The following SGK1 variants were observed in gnomAD, a reference collection of about 807,000 sequenced individuals.
SGK1 encodes serum/glucocorticoid regulated kinase 1.
In SGK1, 26 loss-of-function variants were observed where a neutral mutation model predicts 64.2. The ratio of observed to expected loss-of-function variants is 0.40; its 90% CI spans 0.30 to 0.56. The LOEUF (loss-of-function observed/expected upper bound fraction) is 0.56, where lower values mean the gene tolerates loss of function less well. Among genes scored for constraint, SGK1 ranks in the 20% least tolerant of loss-of-function variants. The pLI is 0.38. For missense variants in SGK1, 519 were observed against 645.6 expected (o/e 0.80, Z 2.12); for synonymous variants, 265 against 239.7 (o/e 1.11, Z -0.98).
chr6:134,175,667 G>A (rs945824596), intron 3 of SGK1: 1 of 1,493,738 alleles, frequency 6.7e-7, no homozygotes. Context: ...CCCATGGGCA[G>A]CGGGCGGCGG....
intron 2 of SGK1, among the ~76,000 whole-genome samples, chr6:134,254,712 CAT>C (rs1354465906): frequency 6.6e-6 from 1 of 152,142 alleles, no homozygotes; most frequent in African/African-American, 2.4e-5. Flanking sequence ...TTTACCCACA[CAT>C]ATATACTCAC....
chr6:134,251,635 T>C (rs1028769092), intron 2 of SGK1, among the ~76,000 whole-genome samples: 1 of 152,164 alleles, frequency 6.6e-6, no homozygotes, highest in Non-Finnish European at 1.5e-5. Flanking sequence ...TGGGCTATGA[T>C]TCCCTGGAGA....
At chr6:134,240,066 C>A (rs562398300) in intron 2 of SGK1, among the ~76,000 whole-genome samples, 3 of 152,130 alleles carry the variant, frequency 2.0e-5, no homozygotes, top group Non-Finnish European at 4.4e-5. Flanking sequence ...CCATGATGTG[C>A]GGATCACTTG....
At chr6:134,172,008 T>TA in intron 10 of SGK1, 185 bp downstream of exon 10, 2 of 760,270 alleles carry the variant, frequency 2.6e-6, no homozygotes, top group Non-Finnish European at 4.3e-6. Flanking sequence ...TACTTTTCAG[T>TA]AAAGGAACAG....
chr6:134,249,960 T>C (rs904117656), intron 2 of SGK1, among the ~76,000 whole-genome samples: 1 of 152,222 alleles, frequency 6.6e-6, no homozygotes, highest in Non-Finnish European at 1.5e-5. Context: ...TACAAAGACC[T>C]ATAACCTCTG....
Position 134,300,138 on chromosome 6 carries a change from T to A in SGK1, c.69+17254A>T, listed in dbSNP as rs192490571. On this transcript the variant is annotated intron_variant, in intron 1 of 13. Coordinates refer to ENST00000367858, the MANE Select transcript of SGK1 (RefSeq NM_001143676.3). ...AAACCTTATTACTATGAGAAAGATGTTAATTTGTCTAAAGTGCTGTAATTT... is the reference window on the plus strand; with the variant it reads ...AAACCTTATTACTATGAGAAAGATGATAATTTGTCTAAAGTGCTGTAATTT... Among the ~76,000 whole-genome samples the A allele has an allele frequency of 2.7e-4, 41 of 152,232 alleles. No individual in the cohort carries two copies. In the East Asian group the frequency reaches 7.7e-3, roughly 29 times the overall value.
chr6:134,191,834 G>GTTTTTTTTTTTTTTTTTTT (rs1491153978), intron 3 of SGK1, among the ~76,000 whole-genome samples: 1 of 17,314 alleles, frequency 5.8e-5, no homozygotes, highest in Non-Finnish European at 1.6e-4. Context: ...ACGCCCGGCT[G>GTTTTTTTTTTTTTTTTTTT]ATTTTTTTTT....
At chr6:134,297,754 G>A (rs1230922734) in intron 1 of SGK1, 3 of 487,854 alleles carry the variant, frequency 6.1e-6, no homozygotes, top group East Asian at 4.7e-5. Flanking sequence ...GCCTGCCTCG[G>A]CCTCCCAAAG....
rs1775321922 is a variant in SGK1, at chr6:134,180,928, G to A, written c.362-6342C>T. Reference sequence around the variant, plus strand: ...ATTTTTGGCATGCCTTTACTGTTAGGCATTTGCATTTTAAAAGGCCACTTG... The same window carrying A: ...ATTTTTGGCATGCCTTTACTGTTAGACATTTGCATTTTAAAAGGCCACTTG... On this transcript the variant is annotated intron_variant, in intron 3 of 13. Coordinates refer to ENST00000367858, the MANE Select transcript of SGK1 (RefSeq NM_001143676.3). Among the ~76,000 whole-genome samples the A allele has an allele frequency of 2.0e-5, 3 of 151,226 alleles. No homozygotes were observed. The South Asian group carries it at 6.3e-4, about 32-fold the overall frequency.
At chr6:134,219,532 G>C (rs1003525113) in intron 2 of SGK1, among the ~76,000 whole-genome samples, 1 of 151,884 alleles carries the variant, frequency 6.6e-6, no homozygotes, top group African/African-American at 2.4e-5. Context: ...AGGCTGAGGC[G>C]AGCAGATCAC....
chr6:134,308,888 CT>C (rs1777572348), intron 1 of SGK1, among the ~76,000 whole-genome samples: 2 of 152,116 alleles, frequency 1.3e-5, no homozygotes, highest in South Asian at 4.1e-4. Flanking sequence ...ATGCTTTTCT[CT>C]TTTGCCTTGC....
chr6:134,238,603 G>A (rs540746926), intron 2 of SGK1, among the ~76,000 whole-genome samples: 45 of 151,180 alleles, frequency 3.0e-4, no homozygotes, highest in Middle Eastern at 3.4e-3. Flanking sequence ...TAATTCTCTC[G>A]AAACTTTCAT....
intron 2 of SGK1, among the ~76,000 whole-genome samples, chr6:134,252,067 T>C (rs1009491686): frequency 1.3e-5 from 2 of 152,206 alleles, no homozygotes; most frequent in African/African-American, 2.4e-5. Flanking sequence ...AAATTATGTT[T>C]CTAAATACAG....
chr6:134,172,444 A>T (rs1775060425), intron 9 of SGK1, 128 bp from the exon 10 acceptor site: 1 of 964,506 alleles, frequency 1.0e-6, no homozygotes, highest in Non-Finnish European at 1.6e-6. Context: ...TGAAGAAAAA[A>T]GGGAGCCCTT....
chr6:134,225,215 G>A (rs961126247), intron 2 of SGK1, among the ~76,000 whole-genome samples: 3 of 151,428 alleles, frequency 2.0e-5, no homozygotes, highest in Non-Finnish European at 4.4e-5. Flanking sequence ...GCCTGGTGTG[G>A]TGGTGCATGC....
rs1776028860 is a variant in SGK1, at chr6:134,218,684, G to A, written c.286-11253C>T. ...CAACCTGAAATGATCCACCCACCTT[G>A]GCCTCCCAAAGTGTGAGCCACTCTT... On this transcript the variant is annotated intron_variant, in intron 2 of 13. Coordinates refer to ENST00000367858, the MANE Select transcript of SGK1 (RefSeq NM_001143676.3). 2 of 152,006 alleles carry A rather than the reference G, an allele frequency of 1.3e-5. 1 individual carries two copies. The highest frequency in any genetic ancestry group is 4.8e-5 in the African/African-American group (2 of 41,384). The allele number at this position is 152,006 out of a possible 1,614,324, so 9.4% of individuals were successfully genotyped here.
At chr6:134,224,362 A>C (rs769201056) in intron 2 of SGK1, among the ~76,000 whole-genome samples, 1 of 152,228 alleles carries the variant, frequency 6.6e-6, no homozygotes, top group African/African-American at 2.4e-5. Context: ...CATGTGGAGA[A>C]GTGGATAGAT....
At chr6:134,218,437 CTTTTTTT>C (rs71003680) in intron 2 of SGK1, among the ~76,000 whole-genome samples, 4 of 129,174 alleles carry the variant, frequency 3.1e-5, no homozygotes, top group African/African-American at 8.6e-5. Flanking sequence ...TTCTTTTTTT[CTTTTTTT>C]TTTTTTTTTG....
Position 134,295,681 on chromosome 6 carries a change from C to A in SGK1, c.69+21711G>T, listed in dbSNP as rs139899709. 1.0e-3 allele frequency among the ~76,000 whole-genome samples: 152 copies of A among 146,644 alleles called. 2 individuals carry two copies. In the East Asian group the frequency reaches 0.027, roughly 26 times the overall value. ...TCGTGCCACTGCACTCTAGCCTAGA[C>A]AACAGAGTGAGACTCCATCTCAGAA... On this transcript the variant is annotated intron_variant, in intron 1 of 13. Transcript: ENST00000367858.
Sources: gnomAD v4.1 joint callset for allele counts (sites outside exome capture counted in the v4.1 genomes callset) on GRCh38, gnomAD v4.1.1 for gene constraint, MANE v1.5 for transcripts, NCBI Gene and HGNC (gene_info 2026-07-23, HGNC 2026-07-21) for gene names.